The following NRIP1 variants were observed in gnomAD, a reference collection of about 807,000 sequenced individuals.
NRIP1 encodes the protein nuclear receptor-interacting protein 1.
A neutral mutation model predicts 75.0 loss-of-function variants in NRIP1; 28 were observed. The observed-to-expected ratio is 0.37, with a 90% confidence interval of 0.28 to 0.51. The LOEUF (loss-of-function observed/expected upper bound fraction) is 0.51, where lower values mean the gene tolerates loss of function less well. NRIP1 is among the 20% of genes least tolerant of loss of function. The probability of loss-of-function intolerance (pLI) is 0.92; values close to 1 mark genes in which losing one functional copy is unlikely to be tolerated. For synonymous variants in NRIP1, 526 were observed against 487.6 expected (o/e 1.08, Z -1.04); for missense variants, 1,435 against 1,343.7 (o/e 1.07, Z -1.06).
Position 14,965,568 on chromosome 21 carries a change from G to T in NRIP1, c.2625C>A (p.Asn875Lys). ...PLENPFKKMK[N>K]NIVDAANNHS... ...GATTGTTTGCAGCATCAACAATGTTGTTTTTCATCTTTTTAAATGGATTTT... is the reference window on the plus strand; with the variant it reads ...GATTGTTTGCAGCATCAACAATGTTTTTTTTCATCTTTTTAAATGGATTTT... Residue 875 changes from asparagine (N) to lysine (K), a missense_variant, in exon 4 of 4, where the codon AAC (asparagine) becomes AAA (lysine). By Grantham distance (94) the Asn-to-Lys change is moderately conservative. Coordinates refer to ENST00000318948, the MANE Select transcript of NRIP1 (RefSeq NM_003489.4). The T allele has an allele frequency of 1.9e-6, 3 of 1,613,954 alleles. No individual in the cohort carries two copies. Among genetic ancestry groups the T allele is most frequent in the Non-Finnish European group, 2.5e-6 (3 of 1,179,938 alleles).
chr21:14,987,196 G>C (rs891390165), intron 3 of NRIP1, among the ~76,000 whole-genome samples: 2 of 152,124 alleles, frequency 1.3e-5, no homozygotes, highest in Non-Finnish European at 2.9e-5. Flanking sequence ...GGCTACTCTT[G>C]AAAGTTTATC....
Position 14,961,756 on chromosome 21 carries a change from C to T in NRIP1, c.*2960G>A, listed in dbSNP as rs1165063402. 6.6e-6 allele frequency: 1 copy of T among 152,174 alleles called. No individual in the cohort carries two copies. The highest frequency in any genetic ancestry group is 2.4e-5 in the African/African-American group (1 of 41,374). The allele number at this position is 152,174 out of a possible 1,614,324, so 9.4% of individuals were successfully genotyped here. A position where few individuals can be genotyped will look rare whatever the true frequency, so the allele number is the denominator to read the frequency against. ...GCACTTTTCATGCAGCAGGTAATCA[C>T]AACTTAAATAAAAGGTTTATTCTAT... On this transcript the variant is annotated 3_prime_UTR_variant, in exon 4 of 4. Transcript: ENST00000318948.
At chr21:14,977,713 A>G (rs1331080077) in intron 3 of NRIP1, among the ~76,000 whole-genome samples, 1 of 152,338 alleles carries the variant, frequency 6.6e-6, no homozygotes, top group Non-Finnish European at 1.5e-5. Flanking sequence ...TAATTACTTG[A>G]AAAAAATGAA....
chr21:15,027,307 G>A (rs1477193609), intron 2 of NRIP1, among the ~76,000 whole-genome samples: 1 of 152,122 alleles, frequency 6.6e-6, no homozygotes, highest in Non-Finnish European at 1.5e-5. Context: ...GTCATATTGT[G>A]CCTCATAATT....
chr21:14,986,705 T>C (rs540198205), intron 3 of NRIP1, among the ~76,000 whole-genome samples: 1 of 152,348 alleles, frequency 6.6e-6, no homozygotes, highest in East Asian at 1.9e-4. Flanking sequence ...AAATCAAATT[T>C]CCTTGTCTAT....
At chr21:15,053,958 A>T (rs1055742278) in intron 1 of NRIP1, among the ~76,000 whole-genome samples, 17 of 152,206 alleles carry the variant, frequency 1.1e-4, no homozygotes, top group Non-Finnish European at 2.2e-4. Context: ...TTCTATTAGC[A>T]TTTTAAAATA....
intron 3 of NRIP1, among the ~76,000 whole-genome samples, chr21:14,979,723 C>T (rs913979724): frequency 7.2e-5 from 11 of 152,010 alleles, no homozygotes; most frequent in African/African-American, 2.4e-4. Flanking sequence ...ACCTTCTTGG[C>T]CAGGCTTGTC....
At position 15,047,800 on chromosome 21, in the gene NRIP1, T is replaced by G. The variant is rs942767022; in HGVS notation, c.-537-4226A>C. 2.0e-5 allele frequency among the ~76,000 whole-genome samples: 3 copies of G among 152,198 alleles called. No individual in the cohort carries two copies. In the South Asian group the frequency reaches 6.2e-4, roughly 32 times the overall value. On this transcript the variant is annotated intron_variant, in intron 1 of 3. Transcript: ENST00000318948. ...AGCACTTTTAATGTCCTTTAAGAAC[T>G]TTTCCTTTTACATTCACAACTTGGT...
rs143332967 is a variant in NRIP1 at position 14,985,187 on chromosome 21, T to A, written c.-334-16661A>T. On this transcript the variant is annotated intron_variant, in intron 3 of 3. Transcript: ENST00000318948. Reference sequence around the variant, plus strand: ...ATCTTAGCACCTAGCAGAGGCAGCATTCCTAGTAGAACATGCTGTAAACAG... The same window carrying A: ...ATCTTAGCACCTAGCAGAGGCAGCAATCCTAGTAGAACATGCTGTAAACAG... Among the ~76,000 whole-genome samples the A allele has an allele frequency of 2.0e-3, 302 of 152,350 alleles. 3 individuals carry two copies. The highest frequency in any genetic ancestry group is 7.0e-3 in the African/African-American group (293 of 41,584).
intron 2 of NRIP1, among the ~76,000 whole-genome samples, chr21:15,036,067 T>A (rs540668246): frequency 1.3e-5 from 2 of 152,338 alleles, no homozygotes; most frequent in South Asian, 4.1e-4. Flanking sequence ...ACACTCCTTG[T>A]GAGGTTATAT....
intron 3 of NRIP1, among the ~76,000 whole-genome samples, chr21:15,012,234 C>T (rs553021091): frequency 1.1e-3 from 161 of 152,160 alleles, no homozygotes; most frequent in African/African-American, 3.6e-3. Context: ...ATACTTTGAC[C>T]CAACATCTCC....
chr21:15,033,007 C>G (rs1185683729), intron 2 of NRIP1, among the ~76,000 whole-genome samples: 1 of 152,030 alleles, frequency 6.6e-6, no homozygotes, highest in Admixed American at 6.5e-5. Context: ...GGGTGGATCA[C>G]GAGGTCAGGA....
intron 1 of NRIP1, among the ~76,000 whole-genome samples, chr21:15,054,698 G>C (rs1196528578): frequency 6.6e-6 from 1 of 152,148 alleles, no homozygotes; most frequent in African/African-American, 2.4e-5. Context: ...CTACTGCTGT[G>C]CCAAATTTTG....
intron 1 of NRIP1, among the ~76,000 whole-genome samples, chr21:15,061,256 AGTCT>A (rs1381662677): frequency 1.3e-5 from 2 of 152,192 alleles, no homozygotes; most frequent in Non-Finnish European, 2.9e-5. Flanking sequence ...GCTTTTTCCC[AGTCT>A]TCATCCGTGT....
chr21:15,001,574 A>T (rs2087850615), intron 3 of NRIP1, among the ~76,000 whole-genome samples: 1 of 152,172 alleles, frequency 6.6e-6, no homozygotes, highest in Admixed American at 6.5e-5. Flanking sequence ...AAAAAAAATT[A>T]TAAGAAATAT....
At chr21:15,006,232 C>T (rs1473834616) in intron 3 of NRIP1, among the ~76,000 whole-genome samples, 1 of 152,092 alleles carries the variant, frequency 6.6e-6, no homozygotes, top group East Asian at 1.9e-4. Context: ...AAAGCAATCT[C>T]GGTCTTGTTA....
chr21:14,988,830 T>C (rs1401535345), intron 3 of NRIP1, among the ~76,000 whole-genome samples: 1 of 152,078 alleles, frequency 6.6e-6, no homozygotes, highest in Admixed American at 6.6e-5. Flanking sequence ...TGGAGTGGAC[T>C]TCATGAGGCC....
At chr21:14,981,913 G>A (rs576784957) in intron 3 of NRIP1, among the ~76,000 whole-genome samples, 42 of 148,624 alleles carry the variant, frequency 2.8e-4, no homozygotes, top group Non-Finnish European at 3.4e-4. Context: ...ATGCAGCAGC[G>A]CCATCTCAGC....
At position 14,961,344 on chromosome 21, in the gene NRIP1, T is replaced by A. The variant is rs1453353069; in HGVS notation, c.*3372A>T. On this transcript the variant is annotated 3_prime_UTR_variant, in exon 4 of 4. Coordinates refer to ENST00000318948, the MANE Select transcript of NRIP1 (RefSeq NM_003489.4). ...CTGCAGTATGTACAGTTTCATGACA[T>A]CACATGAAGAAATTAAATTTCTAAT... 1 of 152,378 alleles carries A rather than the reference T, an allele frequency of 6.6e-6. No homozygotes were observed. Among genetic ancestry groups the A allele is most frequent in the African/African-American group, 2.4e-5 (1 of 41,422 alleles). 9.4% of individuals were successfully genotyped at this position (152,378 alleles called of 1,614,324 possible).
Sources: allele counts gnomAD v4.1 joint callset (sites outside exome capture counted in the v4.1 genomes callset), GRCh38; gene constraint gnomAD v4.1.1; transcripts MANE v1.5; gene names NCBI Gene and HGNC (gene_info 2026-07-23, HGNC 2026-07-21).